The following AGL variants were observed in gnomAD, a reference collection of about 807,000 sequenced individuals.
AGL encodes amylo-alpha-1,6-glucosidase and 4-alpha-glucanotransferase.
AGL carries 128 observed loss-of-function variants against 199.3 expected under a neutral mutation model. The ratio of observed to expected loss-of-function variants is 0.64; its 90% CI spans 0.56 to 0.74. AGL has a LOEUF of 0.74. AGL is among the 30% of genes least tolerant of loss of function. The probability of loss-of-function intolerance (pLI) is 0.00; values close to 1 mark genes in which losing one functional copy is unlikely to be tolerated. For synonymous variants in AGL, 584 were observed against 594.7 expected (o/e 0.98, Z 0.26); for missense variants, 1,809 against 1,820.8 (o/e 0.99, Z 0.12).
intron 2 of AGL, among the ~76,000 whole-genome samples, chr1:99,855,585 G>A (rs1322687382): frequency 6.6e-6 from 1 of 152,120 alleles, no homozygotes; most frequent in Non-Finnish European, 1.5e-5. Context: ...TAGTTGACCT[G>A]AGATCAGGAG....
At chr1:99,859,603 A>G (rs138539684) in intron 2 of AGL, among the ~76,000 whole-genome samples, 1 of 152,190 alleles carries the variant, frequency 6.6e-6, no homozygotes, top group East Asian at 1.9e-4. Context: ...GCTGGAGTGC[A>G]GTGGTGCGAT....
In AGL at chr1:99,869,047, G is replaced by A. The variant is rs575777180; in HGVS notation, c.665-1353G>A. On this transcript the variant is annotated intron_variant, in intron 5 of 33. Transcript: ENST00000361915. ...CACTATGTTGCCCAGGCTGTCTCCAGCTCCTGGACTCAGGTGATACTCCCT... is the reference window on the plus strand; with the variant it reads ...CACTATGTTGCCCAGGCTGTCTCCAACTCCTGGACTCAGGTGATACTCCCT... 6.9e-4 allele frequency among the ~76,000 whole-genome samples: 105 copies of A among 152,148 alleles called. 2 individuals carry two copies. In the South Asian group the frequency reaches 0.022, roughly 31 times the overall value.
intron 17 of AGL, 73 bp downstream of exon 17, chr1:99,881,764 T>G: frequency 2.4e-6 from 3 of 1,266,822 alleles, no homozygotes; most frequent in Non-Finnish European, 3.3e-6. Flanking sequence ...ATGTTATGGT[T>G]ATATATCATG....
At chr1:99,857,850 G>GGAGACCGT (rs1649689665) in intron 2 of AGL, among the ~76,000 whole-genome samples, 1 of 31,742 alleles carries the variant, frequency 3.2e-5, no homozygotes, top group African/African-American at 1.3e-4. Flanking sequence ...GAGGGGGAGG[G>GGAGACCGT]GGGAAGAGGG....
intron 25 of AGL, among the ~76,000 whole-genome samples, chr1:99,896,853 C>T (rs113181224): frequency 4.3e-4 from 65 of 152,174 alleles, no homozygotes; most frequent in African/African-American, 1.5e-3. Context: ...CACTGTCGTC[C>T]GGGCTGGAGT....
intron 17 of AGL, among the ~76,000 whole-genome samples, chr1:99,883,474 T>C (rs1301865906): frequency 6.6e-6 from 1 of 152,176 alleles, no homozygotes; most frequent in Non-Finnish European, 1.5e-5. Flanking sequence ...ATTCATACAG[T>C]AGAATATTAT....
At chr1:99,855,415 C>A (rs1261109135) in intron 2 of AGL, among the ~76,000 whole-genome samples, 1 of 152,084 alleles carries the variant, frequency 6.6e-6, no homozygotes, top group Non-Finnish European at 1.5e-5. Context: ...ATAGATTCTT[C>A]CAGTTCAACA....
chr1:99,864,581 A>C lies in AGL; in HGVS notation c.656A>C (p.Asn219Thr). ...NVICITDVVY[N>T]HTAANSKWIQ... ...ATTTGTATTACTGATGTTGTCTACA[A>C]TCATACTGGTATGAGCTTCATTGAC... Residue 219 changes from asparagine to threonine, a missense_variant, in exon 5 of 34, where the codon AAT becomes ACT. By Grantham distance (65) the Asn-to-Thr change is moderately conservative (BLOSUM62 0). Coordinates refer to ENST00000361915, the MANE Select transcript of AGL (RefSeq NM_000642.3). 6.2e-7 allele frequency: 1 copy of C among 1,613,370 alleles called. No individual in the cohort carries two copies. The highest frequency in any genetic ancestry group is 1.7e-4 in the Middle Eastern group (1 of 6,056).
At chr1:99,907,844 A>C (rs762551924) in intron 27 of AGL, among the ~76,000 whole-genome samples, 6 of 151,720 alleles carry the variant, frequency 4.0e-5, no homozygotes, top group Admixed American at 1.3e-4. Flanking sequence ...GTCTATTCAC[A>C]TCCTTTGAAT....
At chr1:99,891,136 G>A in intron 21 of AGL, 84 bp from the exon 22 acceptor site, 1 of 1,556,414 alleles carries the variant, frequency 6.4e-7, no homozygotes, top group South Asian at 1.1e-5. Context: ...CACTAGAATA[G>A]AGACTAGCAG....
chr1:99,852,865 T>C (rs546185388), intron 2 of AGL, among the ~76,000 whole-genome samples: 4 of 152,290 alleles, frequency 2.6e-5, no homozygotes, highest in East Asian at 1.9e-4. Flanking sequence ...CAACCTGATA[T>C]TATGCAATAG....
chr1:99,877,099 T>TA (rs1363587836), intron 11 of AGL, among the ~76,000 whole-genome samples: 1 of 152,214 alleles, frequency 6.6e-6, no homozygotes, highest in Admixed American at 6.5e-5. Flanking sequence ...AGCCCATTGA[T>TA]ATATTTATTT....
At chr1:99,849,555 G>A (rs1483670159), upstream of AGL, among the ~76,000 whole-genome samples, 1 of 152,008 alleles carries the variant, frequency 6.6e-6, no homozygotes, top group Non-Finnish European at 1.5e-5. Context: ...AAGTATCAGT[G>A]GTGTTTGCAC....
intron 23 of AGL, 140 bp downstream of exon 23, chr1:99,891,879 A>T: frequency 1.1e-6 from 1 of 945,428 alleles, no homozygotes; most frequent in East Asian, 2.5e-5. Context: ...TAGTAAATTT[A>T]TTAGCATCCT....
At chr1:99,919,288 A>G (rs541326130) in intron 33 of AGL, among the ~76,000 whole-genome samples, 10 of 152,170 alleles carry the variant, frequency 6.6e-5, no homozygotes, top group South Asian at 2.1e-4. Context: ...TTGTTGCCTA[A>G]TGTCTAATGT....
rs981706858 is a variant in AGL at position 99,923,529 on chromosome 1, T to C, written c.*1878T>C. ...CCACGTTGGTAAATTTTTAGGATATTGTGTTGCACTAGAAAACTAAGTGGT... is the reference window on the plus strand; with the variant it reads ...CCACGTTGGTAAATTTTTAGGATATCGTGTTGCACTAGAAAACTAAGTGGT... On this transcript the variant is annotated 3_prime_UTR_variant, in exon 34 of 34. Coordinates refer to ENST00000361915, the MANE Select transcript of AGL (RefSeq NM_000642.3). 1 of 152,166 alleles carries C rather than the reference T, an allele frequency of 6.6e-6. No individual in the cohort carries two copies. Among genetic ancestry groups the C allele is most frequent in the African/African-American group, 2.4e-5 (1 of 41,454 alleles). 9.4% of individuals were successfully genotyped at this position (152,166 alleles called of 1,614,324 possible).
intron 14 of AGL, 25 bp downstream of exon 14, chr1:99,880,820 A>G: frequency 6.2e-7 from 1 of 1,612,638 alleles, no homozygotes. Context: ...TTTTTCATGT[A>G]CTTATTTTGC....
At chr1:99,912,617 C>T in intron 29 of AGL, 100 bp downstream of exon 29, 1 of 865,536 alleles carries the variant, frequency 1.2e-6, no homozygotes, top group Non-Finnish European at 1.8e-6. Context: ...TATCGGAAAA[C>T]CCTTAAAATT....
In AGL at chr1:99,864,490, A is replaced by G. The variant is rs559596492; in HGVS notation, c.565A>G (p.Asn189Asp). ...LELNPDFSRPNRKYTWNDVGQ... is the reference protein window; with the variant it reads ...LELNPDFSRPDRKYTWNDVGQ... Reference sequence around the variant, plus strand: ...ATTAAATCCTGACTTTTCAAGACCTAATAGAAAGTATACCTGGAATGATGT... The same window carrying G: ...ATTAAATCCTGACTTTTCAAGACCTGATAGAAAGTATACCTGGAATGATGT... Residue 189 changes from asparagine to aspartate, a missense_variant, in exon 5 of 34, where the codon AAT becomes GAT. Asn to Asp is a conservative substitution (Grantham distance 23, BLOSUM62 1). Transcript: ENST00000361915. The G allele has an allele frequency of 6.2e-6, 10 of 1,613,820 alleles. No individual in the cohort carries two copies. The highest frequency in any genetic ancestry group is 1.3e-5 in the African/African-American group (1 of 75,018).
Sources: allele counts gnomAD v4.1 joint callset (sites outside exome capture counted in the v4.1 genomes callset), GRCh38; gene constraint gnomAD v4.1.1; transcripts MANE v1.5; gene names NCBI Gene and HGNC (gene_info 2026-07-23, HGNC 2026-07-21).